Variants in MYOF observed in about 807,000 individuals in gnomAD.
MYOF encodes fer-1-like 3, myoferlin.
Under a neutral mutation model 284.2 loss-of-function variants are expected in MYOF, and 244 were observed. The ratio of observed to expected loss-of-function variants is 0.86; its 90% CI spans 0.77 to 0.95. The LOEUF is 0.95. Among genes scored for constraint, MYOF ranks in the 40% least tolerant of loss-of-function variants. The pLI is 0.00. For synonymous variants in MYOF, 904 were observed against 919.7 expected, an observed-to-expected ratio of 0.98 and a Z score of 0.31; for missense variants, 2,496 against 2,560.6, an observed-to-expected ratio of 0.97 and a Z score of 0.54.
intron 38 of MYOF, 144 bp downstream of exon 38, chr10:93,343,712 T>A: frequency 1.3e-6 from 1 of 787,844 alleles, no homozygotes. Context: ...TTTAGACTCT[T>A]GTCTGTACTC....
At chr10:93,470,929 T>A (rs1564743668) in intron 1 of MYOF, among the ~76,000 whole-genome samples, 1 of 152,148 alleles carries the variant, frequency 6.6e-6, no homozygotes, top group Non-Finnish European at 1.5e-5. Flanking sequence ...GGGAGTGTCC[T>A]AGCAATGAAT....
At chr10:93,342,323 T>C (rs564163321) in intron 38 of MYOF, among the ~76,000 whole-genome samples, 4 of 148,774 alleles carry the variant, frequency 2.7e-5, no homozygotes, top group Non-Finnish European at 5.9e-5. Flanking sequence ...TTATTGGCTC[T>C]TTCAAAGTGC....
intron 31 of MYOF, among the ~76,000 whole-genome samples, chr10:93,355,281 A>G (rs967054643): frequency 1.3e-5 from 2 of 152,260 alleles, no homozygotes; most frequent in Non-Finnish European, 2.9e-5. Flanking sequence ...CAGAAGTGGA[A>G]TTCACAAAGT....
At chr10:93,341,788 G>A (rs896348742) in intron 38 of MYOF, 3 of 506,782 alleles carry the variant, frequency 5.9e-6, no homozygotes, top group Admixed American at 7.3e-5. Context: ...AAACAATCAC[G>A]TTTGTTTAAA....
chr10:93,475,700 C>G (rs866413488), intron 1 of MYOF, among the ~76,000 whole-genome samples: 4 of 152,302 alleles, frequency 2.6e-5, no homozygotes, highest in Middle Eastern at 3.4e-3. Flanking sequence ...CAATCCCACA[C>G]CTTCTTGGCA....
intron 26 of MYOF, 77 bp from the exon 27 acceptor site, chr10:93,364,152 A>G: frequency 8.2e-7 from 1 of 1,215,658 alleles, no homozygotes; most frequent in Non-Finnish European, 1.2e-6. Flanking sequence ...ACACTCAGGA[A>G]GCATCTACAC....
Position 93,313,007 on chromosome 10 carries a change from G to A in MYOF, c.5889+13C>T. 3.1e-6 allele frequency: 5 copies of A among 1,591,360 alleles called. No individual in the cohort carries two copies. The highest frequency in any genetic ancestry group is 4.3e-6 in the Non-Finnish European group (5 of 1,168,786). ...ATAAACGATTTTCAACCAGAACCAG[G>A]AAATGTTCATACAGCCATTACGCGG... On this transcript the variant is annotated intron_variant, in intron 51 of 53. Coordinates refer to ENST00000359263, the MANE Select transcript of MYOF (RefSeq NM_013451.4).
At chr10:93,431,639 G>A in intron 3 of MYOF, 123 bp from the exon 4 acceptor site, 2 of 691,358 alleles carry the variant, frequency 2.9e-6, no homozygotes, top group Admixed American at 2.8e-5. Flanking sequence ...ATGAGATGTG[G>A]GCCATTTTGC....
chr10:93,458,652 C>T lies in MYOF; in HGVS notation c.89-1715G>A, dbSNP rs371407821. Among the ~76,000 whole-genome samples, 82 of 152,254 alleles carry T rather than the reference C, an allele frequency of 5.4e-4. No homozygotes were observed. The East Asian group carries it at 0.015, about 28-fold the overall frequency. On this transcript the variant is annotated intron_variant, in intron 1 of 53. Coordinates refer to ENST00000359263, the MANE Select transcript of MYOF (RefSeq NM_013451.4). ...GGCTGAGGCAGGAGAATCACTTGAA[C>T]CCAGGAGGCAGAGGTTGCAGTAAGC...
rs775380041 is a variant in MYOF, at chr10:93,347,773, T to G, written c.4093A>C (p.Lys1365Gln). The change falls in exon 37 of 54, where the codon AAG becomes CAG. Residue 1365 changes from lysine (K) to glutamine (Q), a missense_variant. This residue lies in a region of MYOF where 2,436 missense variants were observed against 2,480.7 expected (regional missense o/e 0.98). Transcript: ENST00000359263. ...SVLFMKVFLPKEELYMPPLVI... is the reference protein window; with the variant it reads ...SVLFMKVFLPQEELYMPPLVI... ...AGTGGGGGCATGTACAATTCCTCCT[T>G]GGGCAAGAACTGGGGGTCACAAAGG... 1.9e-6 allele frequency: 3 copies of G among 1,611,378 alleles called. No homozygotes were observed. The highest frequency in any genetic ancestry group is 1.3e-5 in the African/African-American group (1 of 74,794).
chr10:93,418,555 G>GAGGA (rs1399691734), intron 5 of MYOF, among the ~76,000 whole-genome samples: 4 of 152,166 alleles, frequency 2.6e-5, no homozygotes, highest in Non-Finnish European at 5.9e-5. Context: ...CGGGGCAATT[G>GAGGA]AGGAATCAGG....
At position 93,329,700 on chromosome 10, in the gene MYOF, A is replaced by G; in HGVS notation, c.4946T>C (p.Phe1649Ser). The change falls in exon 44 of 54, where the codon TTT becomes TCT. Residue 1649 changes from phenylalanine to serine, a missense_variant. Around this residue, in one of 3 missense-constraint regions of MYOF, gnomAD observed 2,436 missense variants for 2,480.7 expected, o/e 0.98. Transcript: ENST00000359263. ...CTCTGGTATGCCGCAGTGGGACCCAAAGCGGGAAAGGAATCGGTTTTCCAG... is the reference window on the plus strand; with the variant it reads ...CTCTGGTATGCCGCAGTGGGACCCAGAGCGGGAAAGGAATCGGTTTTCCAG... ...IDLENRFLSRFGSHCGIPEEY... is the reference protein window; with the variant it reads ...IDLENRFLSRSGSHCGIPEEY... The G allele has an allele frequency of 6.2e-7, 1 of 1,614,206 alleles. No homozygotes were observed. Among genetic ancestry groups the G allele is most frequent in the Non-Finnish European group, 8.5e-7 (1 of 1,180,040 alleles).
At chr10:93,381,991 C>T (rs1316402586) in intron 19 of MYOF, among the ~76,000 whole-genome samples, 2 of 152,072 alleles carry the variant, frequency 1.3e-5, no homozygotes, top group Non-Finnish European at 2.9e-5. Context: ...GAGCCGATAT[C>T]GTGCCACTGC....
chr10:93,382,193 CTT>C (rs1846153607), intron 19 of MYOF, among the ~76,000 whole-genome samples: 1 of 152,038 alleles, frequency 6.6e-6, no homozygotes, highest in Non-Finnish European at 1.5e-5. Context: ...TACTTTCTAA[CTT>C]ATACATTTTT....
chr10:93,324,752 T>C (rs1186711050), intron 46 of MYOF, among the ~76,000 whole-genome samples: 4 of 152,140 alleles, frequency 2.6e-5, no homozygotes, highest in Admixed American at 1.3e-4. Context: ...GGGTCAACAA[T>C]ATTTGCATCC....
chr10:93,390,682 G>A (rs1427115456), intron 17 of MYOF, among the ~76,000 whole-genome samples: 1 of 152,178 alleles, frequency 6.6e-6, no homozygotes, highest in Non-Finnish European at 1.5e-5. Context: ...GTAGGGTTTG[G>A]ACTTCTTTCT....
At chr10:93,347,824 G>A (rs765885801) in intron 36 of MYOF, 42 bp from the exon 37 acceptor site, 4 of 1,580,860 alleles carry the variant, frequency 2.5e-6, no homozygotes, top group East Asian at 2.3e-5. Flanking sequence ...AAGACCAGAC[G>A]AGGGCAGCTT....
At chr10:93,313,233 G>A (rs755999214) in intron 50 of MYOF, 23 bp from the exon 51 acceptor site, 2 of 1,601,574 alleles carry the variant, frequency 1.2e-6, no homozygotes, top group East Asian at 4.5e-5. Flanking sequence ...ACAACAGTAA[G>A]TCCAAATGAG....
At chr10:93,308,131 T>C (rs1009415334) in intron 53 of MYOF, among the ~76,000 whole-genome samples, 1 of 149,898 alleles carries the variant, frequency 6.7e-6, no homozygotes, top group Non-Finnish European at 1.5e-5. Flanking sequence ...TAATCCCAGC[T>C]ACTTGGGAGG....
Sources: gnomAD v4.1 joint callset for allele counts (sites outside exome capture counted in the v4.1 genomes callset) on GRCh38, gnomAD v4.1.1 for gene constraint, gnomAD v4.1.1 regional missense constraint, MANE v1.5 for transcripts, NCBI Gene and HGNC (gene_info 2026-07-23, HGNC 2026-07-21) for gene names.